Variants in ITGBL1 observed in about 807,000 individuals in gnomAD.
ITGBL1 encodes the protein integrin subunit beta like 1, also known as integrin beta-like protein 1.
ITGBL1 carries 51 observed loss-of-function variants against 68.5 expected under a neutral mutation model. The ratio of observed to expected loss-of-function variants is 0.74; its 90% CI spans 0.59 to 0.94. ITGBL1 has a LOEUF of 0.94. Ranked by LOEUF, ITGBL1 falls within the 40% of genes least tolerant of loss-of-function variation. The probability of loss-of-function intolerance (pLI) is 0.00; values close to 1 mark genes in which losing one functional copy is unlikely to be tolerated. For synonymous variants in ITGBL1, 209 were observed against 227.3 expected (o/e 0.92, Z 0.72); for missense variants, 649 against 647.4 (o/e 1.00, Z -0.03).
At chr13:101,506,202 A>T (rs2049024408) in intron 2 of ITGBL1, among the ~76,000 whole-genome samples, 1 of 152,156 alleles carries the variant, frequency 6.6e-6, no homozygotes, top group Non-Finnish European at 1.5e-5. Context: ...GACATTCCTG[A>T]TGTGTTGGAT....
At chr13:101,495,527 G>A (rs1265777509) in intron 2 of ITGBL1, among the ~76,000 whole-genome samples, 6 of 151,992 alleles carry the variant, frequency 3.9e-5, no homozygotes, top group Non-Finnish European at 5.9e-5. Context: ...ATGTATGGGT[G>A]CAGCTCCTCA....
chr13:101,683,609 T>G (rs1048460663), intron 7 of ITGBL1, among the ~76,000 whole-genome samples: 1 of 152,002 alleles, frequency 6.6e-6, no homozygotes, highest in African/African-American at 2.4e-5. Context: ...AATTGCTGAT[T>G]CTTAGATTAT....
intron 7 of ITGBL1, among the ~76,000 whole-genome samples, chr13:101,661,498 G>C (rs1389794349): frequency 1.3e-5 from 2 of 152,042 alleles, no homozygotes; most frequent in Non-Finnish European, 2.9e-5. Context: ...TGAGCTTATG[G>C]TTTATTCCTC....
intron 2 of ITGBL1, among the ~76,000 whole-genome samples, chr13:101,507,527 A>G (rs1345846017): frequency 6.6e-6 from 1 of 152,214 alleles, no homozygotes; most frequent in African/African-American, 2.4e-5. Flanking sequence ...TTAAAAATAC[A>G]CAATAATGTG....
intron 2 of ITGBL1, among the ~76,000 whole-genome samples, chr13:101,480,856 G>A (rs923692725): frequency 6.6e-6 from 1 of 151,946 alleles, no homozygotes; most frequent in African/African-American, 2.4e-5. Context: ...GAATTGCATT[G>A]TAGTCAAACA....
At chr13:101,631,970 T>C (rs1313218587) in intron 7 of ITGBL1, among the ~76,000 whole-genome samples, 4 of 152,042 alleles carry the variant, frequency 2.6e-5, no homozygotes, top group Admixed American at 2.0e-4. Flanking sequence ...AGGAAACAAT[T>C]TGTTTTGACC....
intron 8 of ITGBL1, among the ~76,000 whole-genome samples, chr13:101,705,290 A>G (rs1197897522): frequency 1.6e-5 from 2 of 121,272 alleles, no homozygotes; most frequent in African/African-American, 6.2e-5. Flanking sequence ...TAATTTAAAA[A>G]GCAAAAAAAA....
chr13:101,670,941 G>C (rs562971651), intron 7 of ITGBL1, among the ~76,000 whole-genome samples: 3 of 152,132 alleles, frequency 2.0e-5, no homozygotes, highest in African/African-American at 4.8e-5. Flanking sequence ...CCATAATTCT[G>C]GTTGTTATCT....
chr13:101,582,145 A>G (rs1443075051), intron 5 of ITGBL1, among the ~76,000 whole-genome samples: 1 of 152,016 alleles, frequency 6.6e-6, no homozygotes, highest in African/African-American at 2.4e-5. Context: ...TATATATTCA[A>G]TTCTATGATT....
intron 7 of ITGBL1, among the ~76,000 whole-genome samples, chr13:101,691,248 A>C (rs2033877219): frequency 6.6e-6 from 1 of 152,224 alleles, no homozygotes; most frequent in Non-Finnish European, 1.5e-5. Flanking sequence ...ACTACCTCCA[A>C]GTAGAGATTA....
intron 2 of ITGBL1, among the ~76,000 whole-genome samples, chr13:101,516,535 C>T (rs745495789): frequency 3.3e-5 from 5 of 152,084 alleles, no homozygotes; most frequent in Non-Finnish European, 7.4e-5. Flanking sequence ...TAGTAATTGA[C>T]TGCATTTTAA....
intron 7 of ITGBL1, among the ~76,000 whole-genome samples, chr13:101,609,351 G>C (rs184548543): frequency 1.6e-4 from 24 of 152,176 alleles, no homozygotes; most frequent in Admixed American, 1.4e-3. Flanking sequence ...TTGGGACATT[G>C]TGTATTCTCA....
chr13:101,494,312 A>C (rs2048823892), intron 2 of ITGBL1, among the ~76,000 whole-genome samples: 1 of 152,208 alleles, frequency 6.6e-6, no homozygotes, highest in Non-Finnish European at 1.5e-5. Flanking sequence ...GCAGCACTGA[A>C]GTTTTGGTGA....
intron 2 of ITGBL1, among the ~76,000 whole-genome samples, chr13:101,523,908 G>A (rs1232082219): frequency 6.6e-6 from 1 of 152,140 alleles, no homozygotes; most frequent in African/African-American, 2.4e-5. Flanking sequence ...GGTCCAGGAT[G>A]ACTTTTCCAA....
At chr13:101,520,054 T>A (rs989584002) in intron 2 of ITGBL1, among the ~76,000 whole-genome samples, 1 of 152,196 alleles carries the variant, frequency 6.6e-6, no homozygotes, top group Non-Finnish European at 1.5e-5. Flanking sequence ...AATATTAGCC[T>A]TGTGTTACTA....
chr13:101,528,239 TAA>T (rs1250104967), intron 2 of ITGBL1, among the ~76,000 whole-genome samples: 1 of 151,640 alleles, frequency 6.6e-6, no homozygotes, highest in Non-Finnish European at 1.5e-5. Context: ...CCATTTAATC[TAA>T]GTTTTCAATT....
At chr13:101,704,426 G>T (rs2034206311) in intron 8 of ITGBL1, among the ~76,000 whole-genome samples, 1 of 124,198 alleles carries the variant, frequency 8.1e-6, no homozygotes, top group African/African-American at 3.0e-5. Context: ...ATTATGGAGA[G>T]ATTAAAAAAG....
chr13:101,532,528 C>T (rs1322510536), intron 2 of ITGBL1, among the ~76,000 whole-genome samples: 1 of 152,174 alleles, frequency 6.6e-6, no homozygotes, highest in Non-Finnish European at 1.5e-5. Context: ...ATTCCTATTG[C>T]AGATTTTCTA....
intron 2 of ITGBL1, among the ~76,000 whole-genome samples, chr13:101,519,432 T>C (rs1594861238): frequency 6.6e-6 from 1 of 152,152 alleles, no homozygotes; most frequent in Non-Finnish European, 1.5e-5. Context: ...TTGGCTACGG[T>C]ACTGCCAAGT....
Sources: gnomAD v4.1 joint callset for allele counts (sites outside exome capture counted in the v4.1 genomes callset) on GRCh38, gnomAD v4.1.1 for gene constraint, MANE v1.5 for transcripts, NCBI Gene and HGNC (gene_info 2026-07-23, HGNC 2026-07-21) for gene names.